Variants in ZNF418 observed in about 807,000 individuals in gnomAD.
ZNF418 encodes the protein zinc finger protein 418.
A neutral mutation model predicts 32.0 loss-of-function variants in ZNF418; 32 were observed. The observed-to-expected ratio is 1.00, with a 90% confidence interval of 0.75 to 1.34. The LOEUF (loss-of-function observed/expected upper bound fraction) is 1.34. Ranked by LOEUF, ZNF418 falls within the 40% of genes most tolerant of loss-of-function variation. The pLI is 0.00. For synonymous variants in ZNF418, 276 were observed against 270.7 expected (o/e 1.02, Z -0.19); for missense variants, 804 against 812.5 (o/e 0.99, Z 0.13).
intron 2 of ZNF418, among the ~76,000 whole-genome samples, chr19:57,931,668 C>A (rs1428562136): frequency 6.6e-6 from 1 of 152,206 alleles, no homozygotes; most frequent in Non-Finnish European, 1.5e-5. Context: ...GTGATCATGG[C>A]TCATGGAAAG....
chr19:57,924,693 G>A (rs1301680015), intron 4 of ZNF418, among the ~76,000 whole-genome samples: 1 of 152,120 alleles, frequency 6.6e-6, no homozygotes, highest in East Asian at 1.9e-4. Context: ...TGCATTCCAG[G>A]ACCTAGGGAA....
At chr19:57,933,717 G>T (rs748598687) in intron 2 of ZNF418, 100 bp downstream of exon 2, 1 of 1,479,798 alleles carries the variant, frequency 6.8e-7, no homozygotes, top group Admixed American at 1.7e-5. Flanking sequence ...CGAGACTCCC[G>T]CTCAAAAAAA....
At position 57,927,503 on chromosome 19, in the gene ZNF418, A is replaced by G; in HGVS notation, c.678T>C (p.Ser226=). 1 of 1,614,224 alleles carries G rather than the reference A, an allele frequency of 6.2e-7. No individual in the cohort carries two copies. The highest frequency in any genetic ancestry group is 1.7e-5 in the Admixed American group (1 of 60,018). ...HVFVQQQRLP[S]REECYCWECG... ...ATTCCCAGCAATAACATTCCTCTCT[A>G]GAGGGAAGTCTCTGCTGTTGAACAA... is the stretch of plus-strand genomic sequence containing the variant. Residue 226 remains serine (S), a synonymous_variant, in exon 4 of 6, where the codon TCT becomes TCC. Coordinates refer to ENST00000396147, the MANE Select transcript of ZNF418 (RefSeq NM_133460.3).
chr19:57,923,598 C>T (rs985102386), intron 4 of ZNF418, among the ~76,000 whole-genome samples: 1 of 146,456 alleles, frequency 6.8e-6, no homozygotes, highest in African/African-American at 2.5e-5. Flanking sequence ...TTTTTGAGAC[C>T]GAGTCTTGCT....
Position 57,933,889 on chromosome 19 carries a change from C to A in ZNF418, c.-67G>T. The A allele has an allele frequency of 6.2e-7, 1 of 1,613,686 alleles. No individual in the cohort carries two copies. Among genetic ancestry groups the A allele is most frequent in the Non-Finnish European group, 8.5e-7 (1 of 1,180,006 alleles). ...CAAACACAGTGTGTTCTCTTCTTTG[C>A]AGCCAGATGATGCCTGCAGACAAAT... is the stretch of plus-strand genomic sequence containing the variant. On this transcript the variant is annotated 5_prime_UTR_variant, in exon 2 of 6. Transcript: ENST00000396147.
rs571712717 is a variant in ZNF418, at chr19:57,932,763, A to G, written c.6+1054T>C. The stretch of plus-strand genomic sequence containing the variant: ...AATTTACCCTGAGCATGTATCCACC[A>G]GGCCGAATGAAAACCCCCAAGCACC... On this transcript the variant is annotated intron_variant, in intron 2 of 5. Transcript: ENST00000396147. The G allele has an allele frequency of 2.7e-5, 16 of 584,626 alleles. No homozygotes were observed. In the African/African-American group the frequency reaches 3.0e-4, roughly 11 times the overall value. The allele number at this position is 584,626 out of a possible 1,614,324, so 36.2% of individuals were successfully genotyped here.
At chr19:57,928,192 T>C in intron 3 of ZNF418, 145 bp from the exon 4 acceptor site, 1 of 678,238 alleles carries the variant, frequency 1.5e-6, no homozygotes, top group Non-Finnish European at 2.5e-6. Flanking sequence ...AAGATGAGGC[T>C]ATCATTACTG....
At chr19:57,925,506 A>G (rs547483746) in intron 4 of ZNF418, 117 bp downstream of exon 4, 1 of 152,578 alleles carries the variant, frequency 6.6e-6, no homozygotes, top group Non-Finnish European at 1.5e-5. Context: ...GGTCCCTGAA[A>G]AAGGTAGTCC....
rs1271835078 is a variant in ZNF418 at position 57,926,850 on chromosome 19, T to C, written c.1331A>G (p.His444Arg). Residue 444 changes from histidine (H) to arginine (R), a missense_variant, in exon 4 of 6, where the codon CAT becomes CGT. By Grantham distance (29) the His-to-Arg change is conservative (BLOSUM62 0). Transcript: ENST00000396147. ...SFSRKGNLIQ[H>R]QRSHTGERPY... is the part of the protein sequence containing the mutation. ...CCTTTCTCCAGTGTGGCTTCGCTGA[T>C]GCTGAATGAGGTTGCCCTTTCGACT... 6.2e-7 allele frequency: 1 copy of C among 1,614,246 alleles called. No individual in the cohort carries two copies.
At position 57,934,875 on chromosome 19, in the gene ZNF418, C is replaced by G. The variant is rs2072632006; in HGVS notation, c.-81+286G>C. 3 of 486,108 alleles carry G rather than the reference C, an allele frequency of 6.2e-6. No individual in the cohort carries two copies. The Admixed American group carries it at 1.2e-4, about 20-fold the overall frequency. 30.1% of individuals were successfully genotyped at this position (486,108 alleles called of 1,614,324 possible). ...GCGAATACACAGCCCCCAGCCTGCTCTTCCAGGAGAAGCTTCGCCTCACAC... is the reference window on the plus strand; with the variant it reads ...GCGAATACACAGCCCCCAGCCTGCTGTTCCAGGAGAAGCTTCGCCTCACAC... On this transcript the variant is annotated intron_variant, in intron 1 of 5. Transcript: ENST00000396147.
At chr19:57,924,782 C>T (rs906400235) in intron 4 of ZNF418, among the ~76,000 whole-genome samples, 1 of 152,030 alleles carries the variant, frequency 6.6e-6, no homozygotes, top group Admixed American at 6.6e-5. Flanking sequence ...ATCTCAGAAG[C>T]ATCAGAGGAT....
In ZNF418 at chr19:57,921,944, G is replaced by A. The variant is rs993001344; in HGVS notation, c.*1311C>T. The A allele has an allele frequency of 4.6e-5, 7 of 152,124 alleles. No homozygotes were observed. The highest frequency in any genetic ancestry group is 1.0e-4 in the Non-Finnish European group (7 of 68,048). The allele number at this position is 152,124 out of a possible 1,614,324, so 9.4% of individuals were successfully genotyped here. A position where few individuals can be genotyped will look rare whatever the true frequency, so the allele number is the denominator to read the frequency against. On this transcript the variant is annotated 3_prime_UTR_variant, in exon 6 of 6. Transcript: ENST00000396147. ...AGGGCAGTCCAGGAGCGGCAGGCTG[G>A]ACAAAAAAACCACTATCATTTGAAA... is the stretch of plus-strand genomic sequence containing the variant.
chr19:57,933,779 C>T, intron 2 of ZNF418, 38 bp downstream of exon 2: 1 of 1,612,912 alleles, frequency 6.2e-7, no homozygotes. Context: ...AATCCAGCCA[C>T]AGCTCCTTAC....
At chr19:57,933,302 G>A (rs756095337) in intron 2 of ZNF418, among the ~76,000 whole-genome samples, 23 of 152,158 alleles carry the variant, frequency 1.5e-4, no homozygotes, top group Non-Finnish European at 2.2e-4. Context: ...GTTACCGACC[G>A]GGCTTGGTGG....
intron 2 of ZNF418, among the ~76,000 whole-genome samples, chr19:57,932,882 C>T (rs900933670): frequency 6.6e-6 from 1 of 152,138 alleles, no homozygotes; most frequent in African/African-American, 2.4e-5. Context: ...TATTTCTATG[C>T]TTCTGCTTAC....
Position 57,930,552 on chromosome 19 carries a change from G to C in ZNF418, c.9C>G (p.Gly3=). The C allele has an allele frequency of 6.2e-7, 1 of 1,613,916 alleles. No homozygotes were observed. The highest frequency in any genetic ancestry group is 8.5e-7 in the Non-Finnish European group (1 of 1,179,960). Residue 3 remains glycine, a splice_region_variant and synonymous_variant, in exon 3 of 6, where the codon GGC becomes GGG. Transcript: ENST00000396147. The part of the protein sequence containing the change: MQ[G]TVAFEDVAVN... ...CAGCCACATCTTCAAATGCCACAGTGCCCTGCTATGATGGTGACAGATGAA... is the reference window on the plus strand; with the variant it reads ...CAGCCACATCTTCAAATGCCACAGTCCCCTGCTATGATGGTGACAGATGAA...
chr19:57,933,730 AG>A (rs1359589980), intron 2 of ZNF418, 86 bp downstream of exon 2: 2 of 1,551,006 alleles, frequency 1.3e-6, no homozygotes, highest in Non-Finnish European at 1.8e-6. Flanking sequence ...CAAAAAAAAA[AG>A]GAAAATCTAG....
chr19:57,927,748 A>G lies in ZNF418; in HGVS notation c.433T>C (p.Leu145=). ...KPYRSSVEEA[L]FVKRCKFHVS... is the part of the protein sequence containing the mutation. ...TGGAACTTACACCTCTTCACAAACAATGCTTCCTCAACACTGCTTCTATAG... is the reference window on the plus strand; with the variant it reads ...TGGAACTTACACCTCTTCACAAACAGTGCTTCCTCAACACTGCTTCTATAG... Residue 145 remains leucine (L), a synonymous_variant, in exon 4 of 6, where the codon TTG becomes CTG. Transcript: ENST00000396147. 1 of 1,614,202 alleles carries G rather than the reference A, an allele frequency of 6.2e-7. No homozygotes were observed. The highest frequency in any genetic ancestry group is 2.2e-5 in the East Asian group (1 of 44,886).
chr19:57,934,041 G>C (rs747993628), intron 1 of ZNF418, 139 bp from the exon 2 acceptor site: 14 of 1,460,104 alleles, frequency 9.6e-6, no homozygotes, highest in Non-Finnish European at 1.3e-5. Context: ...TGGGTTGACA[G>C]AAATGGGAAT....
Sources: allele counts gnomAD v4.1 joint callset (sites outside exome capture counted in the v4.1 genomes callset), GRCh38; gene constraint gnomAD v4.1.1; transcripts MANE v1.5; gene names NCBI Gene and HGNC (gene_info 2026-07-23, HGNC 2026-07-21).